Variants in TRAPPC12 observed in about 807,000 individuals in gnomAD.
TRAPPC12 encodes trafficking protein particle complex subunit 12.
Under a neutral mutation model 69.2 loss-of-function variants are expected in TRAPPC12, and 61 were observed. The ratio of observed to expected loss-of-function variants is 0.88; its 90% CI spans 0.72 to 1.09. TRAPPC12 has a LOEUF of 1.09. Among genes scored for constraint, TRAPPC12 ranks in the 50% least tolerant of loss-of-function variants. TRAPPC12 has a pLI of 0.00. For synonymous variants in TRAPPC12, 469 were observed against 438.9 expected, an observed-to-expected ratio of 1.07 and a Z score of -0.86; for missense variants, 1,101 against 1,016.4, an observed-to-expected ratio of 1.08 and a Z score of -1.13.
intron 6 of TRAPPC12, chr2:3,455,628 G>A (rs1398767500): frequency 6.6e-6 from 1 of 152,186 alleles, no homozygotes; most frequent in Non-Finnish European, 1.5e-5. Context: ...CCTGGCGTAT[G>A]TCACTTAACA....
In TRAPPC12 at chr2:3,383,646, A is replaced by C. The variant is rs62120469; in HGVS notation, c.-5+3770A>C. ...CATCTTGAACTCCTGACCTCGTGAT[A>C]CGCCCGCCCCGGCCTCCGAAAGTGC... is the stretch of plus-strand genomic sequence containing the variant. On this transcript the variant is annotated intron_variant, in intron 1 of 11. Coordinates refer to ENST00000324266, the MANE Select transcript of TRAPPC12 (RefSeq NM_016030.6). Among the ~76,000 whole-genome samples the C allele has an allele frequency of 9.1e-3, 1,387 of 151,616 alleles. 10 individuals carry two copies. Among genetic ancestry groups the C allele is most frequent in the Non-Finnish European group, 0.013 (912 of 67,920 alleles).
At chr2:3,478,706 T>A in intron 10 of TRAPPC12, 140 bp from the exon 11 acceptor site, 1 of 651,444 alleles carries the variant, frequency 1.5e-6, no homozygotes, top group Non-Finnish European at 2.7e-6. Context: ...GCTCACCGCC[T>A]CTACCTGGAG....
chr2:3,389,518 A>C (rs4318418), intron 2 of TRAPPC12, among the ~76,000 whole-genome samples: 95,373 of 151,732 alleles, frequency 0.63, 30,327 homozygotes, highest in African/African-American at 0.73. Flanking sequence ...AAGAGCAACA[A>C]CCGCGACCCC....
At chr2:3,406,947 G>A (rs968956534) in intron 3 of TRAPPC12, among the ~76,000 whole-genome samples, 8 of 152,176 alleles carry the variant, frequency 5.3e-5, no homozygotes, top group Non-Finnish European at 1.0e-4. Context: ...TTATTAACAG[G>A]CCTAACAAGG....
chr2:3,410,711 A>G (rs1662008866), intron 3 of TRAPPC12, among the ~76,000 whole-genome samples: 1 of 152,200 alleles, frequency 6.6e-6, no homozygotes, highest in Middle Eastern at 3.2e-3. Flanking sequence ...CACAAATTCA[A>G]ATTGCCTTTG....
At chr2:3,398,456 C>A (rs945668510) in intron 2 of TRAPPC12, among the ~76,000 whole-genome samples, 3 of 152,174 alleles carry the variant, frequency 2.0e-5, no homozygotes, top group Admixed American at 6.5e-5. Flanking sequence ...AGAGGATAGA[C>A]CCTGCCAGGA....
intron 2 of TRAPPC12, among the ~76,000 whole-genome samples, chr2:3,391,471 A>T (rs1337710156): frequency 2.0e-5 from 3 of 152,210 alleles, no homozygotes; most frequent in African/African-American, 4.8e-5. Flanking sequence ...TTTTTCAGAT[A>T]ACTGAAGTGT....
At chr2:3,470,582 T>C (rs1367901275) in intron 9 of TRAPPC12, among the ~76,000 whole-genome samples, 2 of 152,238 alleles carry the variant, frequency 1.3e-5, no homozygotes, top group African/African-American at 2.4e-5. Flanking sequence ...CATTTCTGAA[T>C]GTTTAGGTCA....
intron 1 of TRAPPC12, among the ~76,000 whole-genome samples, chr2:3,380,482 ATT>A (rs1353911791): frequency 6.6e-6 from 1 of 152,302 alleles, no homozygotes; most frequent in Non-Finnish European, 1.5e-5. Flanking sequence ...TTAACGTGTC[ATT>A]TTTTCACTCT....
intron 1 of TRAPPC12, among the ~76,000 whole-genome samples, chr2:3,383,917 T>A (rs1201538946): frequency 9.3e-6 from 1 of 108,106 alleles, no homozygotes; most frequent in Non-Finnish European, 1.7e-5. Flanking sequence ...TTTTTTGAGA[T>A]GAAGTTTCGC....
intron 2 of TRAPPC12, among the ~76,000 whole-genome samples, chr2:3,393,559 C>T (rs543205267): frequency 3.3e-5 from 5 of 152,104 alleles, no homozygotes; most frequent in African/African-American, 4.8e-5. Context: ...TTAATTATTT[C>T]GACTTTGGAA....
At chr2:3,402,401 C>T (rs1203753703) in intron 3 of TRAPPC12, among the ~76,000 whole-genome samples, 2 of 152,092 alleles carry the variant, frequency 1.3e-5, no homozygotes, top group African/African-American at 2.4e-5. Context: ...ACCAGCCTGG[C>T]CAACATGGTG....
chr2:3,398,920 G>C (rs1367309569), intron 2 of TRAPPC12, among the ~76,000 whole-genome samples: 1 of 152,226 alleles, frequency 6.6e-6, no homozygotes, highest in African/African-American at 2.4e-5. Context: ...TTCCATCCCA[G>C]GTGTAGTAGC....
At chr2:3,448,968 C>T (rs1664706280) in intron 6 of TRAPPC12, among the ~76,000 whole-genome samples, 1 of 152,160 alleles carries the variant, frequency 6.6e-6, no homozygotes, top group Admixed American at 6.5e-5. Context: ...TTATATGGGG[C>T]CCAGTTTTAG....
chr2:3,442,721 C>T (rs574633504), intron 5 of TRAPPC12, among the ~76,000 whole-genome samples: 8 of 152,178 alleles, frequency 5.3e-5, no homozygotes, highest in African/African-American at 1.9e-4. Flanking sequence ...AAACATAAAG[C>T]TCATTTCAGT....
At chr2:3,454,909 C>T (rs1392345460) in intron 6 of TRAPPC12, 2 of 152,580 alleles carry the variant, frequency 1.3e-5, no homozygotes, top group Non-Finnish European at 2.9e-5. Context: ...TCGCCCATGG[C>T]ATGGAGAGAT....
chr2:3,430,913 G>C (rs148637027), intron 5 of TRAPPC12, among the ~76,000 whole-genome samples: 1 of 151,402 alleles, frequency 6.6e-6, no homozygotes, highest in Non-Finnish European at 1.5e-5. Flanking sequence ...TGCTGGGACC[G>C]TCCACTGGGT....
At chr2:3,402,538 T>C (rs997886452) in intron 3 of TRAPPC12, among the ~76,000 whole-genome samples, 2 of 151,570 alleles carry the variant, frequency 1.3e-5, no homozygotes, top group African/African-American at 2.4e-5. Flanking sequence ...GAGGTTGCAG[T>C]GAGCCGAGAT....
intron 9 of TRAPPC12, among the ~76,000 whole-genome samples, chr2:3,466,728 T>G (rs555810661): frequency 6.6e-6 from 1 of 152,110 alleles, no homozygotes; most frequent in East Asian, 1.9e-4. Context: ...GCCCCTGTGG[T>G]GGGGCACAGC....
Sources: allele counts gnomAD v4.1 joint callset (sites outside exome capture counted in the v4.1 genomes callset), GRCh38; gene constraint gnomAD v4.1.1; transcripts MANE v1.5; gene names NCBI Gene and HGNC (gene_info 2026-07-23, HGNC 2026-07-21).